The following SEC24D variants were observed in gnomAD, a reference collection of about 807,000 sequenced individuals.
SEC24D encodes the protein SEC24 homolog D, COPII component, also known as protein transport protein Sec24D.
A neutral mutation model predicts 116.9 loss-of-function variants in SEC24D; 69 were observed. The observed-to-expected ratio is 0.59, with a 90% CI of 0.49 to 0.72. The LOEUF (loss-of-function observed/expected upper bound fraction) is 0.72, where lower values mean the gene tolerates loss of function less well. Among genes scored for constraint, SEC24D ranks in the 30% least tolerant of loss-of-function variants. The pLI is 0.00. For synonymous variants in SEC24D, 405 were observed against 442.8 expected (o/e 0.91, Z 1.07); for missense variants, 1,131 against 1,264.1 (o/e 0.89, Z 1.60).
chr4:118,834,150 G>A (rs1158100983), intron 1 of SEC24D, among the ~76,000 whole-genome samples: 1 of 152,220 alleles, frequency 6.6e-6, no homozygotes. Flanking sequence ...CCTGCAATCA[G>A]ATGTTTTATG....
chr4:118,785,369 A>G (rs1209519252), intron 8 of SEC24D, among the ~76,000 whole-genome samples: 1 of 152,220 alleles, frequency 6.6e-6, no homozygotes, highest in East Asian at 1.9e-4. Context: ...TGCAATAGTG[A>G]GAAAAATCAG....
chr4:118,768,315 T>A lies in SEC24D; in HGVS notation c.1042-4A>T. On this transcript the variant is annotated splice_region_variant and splice_polypyrimidine_tract_variant and intron_variant, in intron 8 of 22. Coordinates refer to ENST00000280551, the MANE Select transcript of SEC24D (RefSeq NM_014822.4). ...GATTTACCAAGTAAAGGGGACTCTATGGAGAAGCAAGAAAAATTAAATGAA... is the reference window on the plus strand; with the variant it reads ...GATTTACCAAGTAAAGGGGACTCTAAGGAGAAGCAAGAAAAATTAAATGAA... 1 of 1,607,512 alleles carries A rather than the reference T, an allele frequency of 6.2e-7. No homozygotes were observed. Among genetic ancestry groups the A allele is most frequent in the Non-Finnish European group, 8.5e-7 (1 of 1,178,276 alleles).
intron 8 of SEC24D, among the ~76,000 whole-genome samples, chr4:118,797,016 G>A (rs1729206306): frequency 6.6e-6 from 1 of 152,132 alleles, no homozygotes. Flanking sequence ...CTGTGCGCAT[G>A]TGGGCATTCA....
At chr4:118,756,479 T>G (rs952011609) in intron 11 of SEC24D, among the ~76,000 whole-genome samples, 3 of 152,136 alleles carry the variant, frequency 2.0e-5, no homozygotes, top group Non-Finnish European at 2.9e-5. Context: ...AAACCACTCC[T>G]GGGAGGTCCA....
At chr4:118,830,152 T>C (rs1165044611) in intron 2 of SEC24D, among the ~76,000 whole-genome samples, 1 of 152,230 alleles carries the variant, frequency 6.6e-6, no homozygotes, top group Non-Finnish European at 1.5e-5. Flanking sequence ...TAGAAAGATA[T>C]ATTTGCAGAG....
intron 8 of SEC24D, among the ~76,000 whole-genome samples, chr4:118,774,099 T>C (rs976716744): frequency 5.9e-5 from 9 of 151,872 alleles, no homozygotes; most frequent in African/African-American, 2.2e-4. Flanking sequence ...ATGCTTTTAG[T>C]TGGCTCTTCT....
chr4:118,805,915 G>C lies in SEC24D; in HGVS notation c.841C>G (p.Gln281Glu), dbSNP rs747741111. 6.3e-7 allele frequency: 1 copy of C among 1,595,924 alleles called. No homozygotes were observed. The highest frequency in any genetic ancestry group is 8.5e-7 in the Non-Finnish European group (1 of 1,172,280). The change falls in exon 7 of 23, where the codon CAA becomes GAA. Residue 281 changes from glutamine (Q) to glutamate (E), a missense_variant. Physicochemically the swap from Gln to Glu is conservative, Grantham distance 29 (BLOSUM62 2). Transcript: ENST00000280551. ...CCTCTGGTGTTGGTGGCATAAACTTGTCCTCCTCTGCTGGCTCTATCATTC... is the reference window on the plus strand; with the variant it reads ...CCTCTGGTGTTGGTGGCATAAACTTCTCCTCCTCTGCTGGCTCTATCATTC... Reference protein sequence around the residue: ...IENDRASRGGQVYATNTRGQI... With the variant: ...IENDRASRGGEVYATNTRGQI...
At chr4:118,736,001 T>C (rs1401313997) in intron 19 of SEC24D, 1 of 150,502 alleles carries the variant, frequency 6.6e-6, no homozygotes, top group African/African-American at 2.4e-5. Context: ...GCCTAATTTA[T>C]CTTGTTTCTA....
At chr4:118,786,472 A>T (rs1343100314) in intron 8 of SEC24D, among the ~76,000 whole-genome samples, 1 of 152,190 alleles carries the variant, frequency 6.6e-6, no homozygotes, top group Admixed American at 6.5e-5. Context: ...AGACCCTGGT[A>T]CTCTTGAATT....
chr4:118,770,830 T>C (rs1343153074), intron 8 of SEC24D, among the ~76,000 whole-genome samples: 1 of 152,068 alleles, frequency 6.6e-6, no homozygotes, highest in Non-Finnish European at 1.5e-5. Flanking sequence ...GAAACTGGAG[T>C]CAAGTCATGA....
chr4:118,792,601 G>A (rs879042483), intron 8 of SEC24D, among the ~76,000 whole-genome samples: 9 of 152,230 alleles, frequency 5.9e-5, no homozygotes, highest in Middle Eastern at 3.4e-3. Flanking sequence ...CCCCAACCCC[G>A]TGCTCTCTGA....
At chr4:118,738,041 T>G in intron 19 of SEC24D, 1 of 453,584 alleles carries the variant, frequency 2.2e-6, no homozygotes, top group East Asian at 3.8e-5. Context: ...GACTGTCAAC[T>G]GAATATGCAC....
intron 14 of SEC24D, 32 bp downstream of exon 14, chr4:118,744,912 G>A: frequency 8.6e-7 from 1 of 1,169,114 alleles, no homozygotes; most frequent in South Asian, 1.3e-5. Context: ...CTTAATAATT[G>A]ACATATGGAT....
At chr4:118,813,677 A>G (rs987471910) in intron 6 of SEC24D, among the ~76,000 whole-genome samples, 4 of 152,248 alleles carry the variant, frequency 2.6e-5, no homozygotes, top group African/African-American at 9.6e-5. Flanking sequence ...CACACTGGAG[A>G]TTAAGTTTCA....
intron 10 of SEC24D, among the ~76,000 whole-genome samples, chr4:118,761,672 A>T (rs1727381769): frequency 6.6e-6 from 1 of 152,230 alleles, no homozygotes; most frequent in Admixed American, 6.5e-5. Context: ...TTTTGAGGGA[A>T]GGGGGAATAT....
At chr4:118,767,111 G>A (rs565477438) in intron 9 of SEC24D, among the ~76,000 whole-genome samples, 9 of 152,340 alleles carry the variant, frequency 5.9e-5, no homozygotes, top group South Asian at 2.1e-4. Flanking sequence ...AGCAAGGTGC[G>A]TTTAAGAACT....
intron 4 of SEC24D, chr4:118,816,600 T>C (rs906443469): frequency 5.1e-5 from 11 of 217,520 alleles, no homozygotes; most frequent in African/African-American, 9.5e-5. Context: ...TGGAGACTTA[T>C]CCATTTTGAA....
intron 21 of SEC24D, chr4:118,730,332 G>A (rs1351118778): frequency 6.6e-6 from 1 of 152,020 alleles, no homozygotes; most frequent in Non-Finnish European, 1.5e-5. Context: ...TCTCTAACTG[G>A]AATATTGATG....
At chr4:118,770,753 A>G (rs541280176) in intron 8 of SEC24D, among the ~76,000 whole-genome samples, 2 of 152,324 alleles carry the variant, frequency 1.3e-5, no homozygotes, top group South Asian at 4.1e-4. Context: ...ATTGTCGGCA[A>G]TGAACACCTA....
Sources: allele counts gnomAD v4.1 joint callset (sites outside exome capture counted in the v4.1 genomes callset), GRCh38; gene constraint gnomAD v4.1.1; transcripts MANE v1.5; gene names NCBI Gene and HGNC (gene_info 2026-07-23, HGNC 2026-07-21).